Variants in MAGI1 observed in about 807,000 individuals in gnomAD.
The protein encoded by MAGI1 is membrane associated guanylate kinase, WW and PDZ domain containing 1.
MAGI1 carries 58 observed loss-of-function variants against 139.9 expected under a neutral mutation model. The observed-to-expected ratio is 0.41, with a 90% CI of 0.34 to 0.52. The LOEUF (loss-of-function observed/expected upper bound fraction) is 0.52. Ranked by LOEUF, MAGI1 falls within the 20% of genes least tolerant of loss-of-function variation. The pLI, the probability that MAGI1 is intolerant of heterozygous loss-of-function variation, is 0.12. For synonymous variants in MAGI1, 812 were observed against 737.9 expected, an observed-to-expected ratio of 1.10 and a Z score of -1.63; for missense variants, 1,874 against 1,901.6, an observed-to-expected ratio of 0.99 and a Z score of 0.27.
intron 1 of MAGI1, among the ~76,000 whole-genome samples, chr3:65,731,660 A>G (rs909649423): frequency 8.2e-6 from 1 of 121,438 alleles, no homozygotes; most frequent in South Asian, 2.4e-4. Context: ...GTCTCAAAAA[A>G]TTTAAAAAAA....
At chr3:65,541,342 A>G (rs1161184103) in intron 2 of MAGI1, among the ~76,000 whole-genome samples, 2 of 152,218 alleles carry the variant, frequency 1.3e-5, no homozygotes, top group African/African-American at 4.8e-5. Flanking sequence ...TAACAGAGGT[A>G]CAAAGAAGAG....
rs527422000 is a variant in MAGI1, at chr3:65,367,042, G to C, written c.3197-2096C>G. On this transcript the variant is annotated intron_variant, in intron 18 of 22. Transcript: ENST00000402939. ...TATAGCCCATCGCTGTGACTCTCCA[G>C]AACTTTCATAAACACGTGTATTGGT... Among the ~76,000 whole-genome samples, 54 of 152,256 alleles carry C rather than the reference G, an allele frequency of 3.5e-4. 2 individuals carry two copies. Among genetic ancestry groups the C allele is most frequent in the African/African-American group, 1.3e-3 (52 of 41,552 alleles).
At chr3:65,628,126 A>G (rs989310980) in intron 1 of MAGI1, among the ~76,000 whole-genome samples, 3 of 152,086 alleles carry the variant, frequency 2.0e-5, no homozygotes, top group African/African-American at 4.8e-5. Flanking sequence ...ATGGACATAG[A>G]TATCTTTGAT....
intron 1 of MAGI1, among the ~76,000 whole-genome samples, chr3:65,740,620 T>C (rs1246996182): frequency 1.3e-5 from 2 of 152,192 alleles, no homozygotes; most frequent in African/African-American, 2.4e-5. Flanking sequence ...GGAGAAACGA[T>C]GGAAAACTTA....
In MAGI1 at chr3:66,038,620, G is replaced by A. The variant is rs2069067534; in HGVS notation, c.-312C>T. On this transcript the variant is annotated 5_prime_UTR_variant, in exon 1 of 23. Coordinates refer to ENST00000402939, the MANE Select transcript of MAGI1 (RefSeq NM_001033057.2). ...ACCAGAGTCCACTCTGCGCCGCTCG[G>A]GTTATTTTTTTTTCCTTCCTTCCTT... 1 of 335,994 alleles carries A rather than the reference G, an allele frequency of 3.0e-6. No individual in the cohort carries two copies. The highest frequency in any genetic ancestry group is 2.1e-5 in the African/African-American group (1 of 47,226). The allele number at this position is 335,994 out of a possible 1,614,324, so 20.8% of individuals were successfully genotyped here.
rs557156096 is a variant in MAGI1 at position 65,508,941 on chromosome 3, A to G, written c.431-15310T>C. ...GGCAGAGGCAATCTTTATTTCCTCC[A>G]TTTGGCAGCAGGGTAAGACTGCCAT... is the stretch of plus-strand genomic sequence containing the variant. On this transcript the variant is annotated intron_variant, in intron 2 of 22. Transcript: ENST00000402939. 3.9e-5 allele frequency among the ~76,000 whole-genome samples: 6 copies of G among 152,324 alleles called. No individual in the cohort carries two copies. The South Asian group carries it at 6.2e-4, about 16-fold the overall frequency.
At chr3:65,849,733 T>C (rs2059141578) in intron 1 of MAGI1, among the ~76,000 whole-genome samples, 1 of 152,082 alleles carries the variant, frequency 6.6e-6, no homozygotes, top group Non-Finnish European at 1.5e-5. Flanking sequence ...AAGAAACAAG[T>C]ATTTCTTCTA....
chr3:65,724,991 A>G (rs2033446208), intron 1 of MAGI1, among the ~76,000 whole-genome samples: 1 of 152,176 alleles, frequency 6.6e-6, no homozygotes, highest in Non-Finnish European at 1.5e-5. Context: ...TAACCATATC[A>G]ATCACCATGA....
chr3:65,950,392 T>A (rs960576918), intron 1 of MAGI1, among the ~76,000 whole-genome samples: 2 of 152,166 alleles, frequency 1.3e-5, no homozygotes, highest in South Asian at 2.1e-4. Flanking sequence ...TAGATCTGCA[T>A]ATTCTCCCAT....
chr3:65,777,932 T>C (rs1015769778), intron 1 of MAGI1, among the ~76,000 whole-genome samples: 1 of 152,164 alleles, frequency 6.6e-6, no homozygotes, highest in African/African-American at 2.4e-5. Context: ...ACTACTATAG[T>C]TCTATTAGAG....
At chr3:65,392,480 A>G (rs1469101228) in intron 13 of MAGI1, among the ~76,000 whole-genome samples, 1 of 152,094 alleles carries the variant, frequency 6.6e-6, no homozygotes, top group African/African-American at 2.4e-5. Flanking sequence ...TCTTTTATAG[A>G]TCCTGTAGAG....
At chr3:65,533,512 T>C (rs896735203) in intron 2 of MAGI1, among the ~76,000 whole-genome samples, 1 of 152,208 alleles carries the variant, frequency 6.6e-6, no homozygotes, top group African/African-American at 2.4e-5. Context: ...TCACAAAATA[T>C]TGACAACTTC....
chr3:65,359,202 G>A, intron 22 of MAGI1: 6 of 1,602,142 alleles, frequency 3.7e-6, no homozygotes, highest in Non-Finnish European at 5.1e-6. Context: ...GAAGGAGAAA[G>A]AGAGAAAGAG....
chr3:66,001,473 C>G (rs978774029), intron 1 of MAGI1, among the ~76,000 whole-genome samples: 4 of 152,098 alleles, frequency 2.6e-5, no homozygotes, highest in Non-Finnish European at 4.4e-5. Flanking sequence ...GAGTATCAGC[C>G]TCACAGGACT....
intron 1 of MAGI1, among the ~76,000 whole-genome samples, chr3:65,883,534 T>G (rs2060416841): frequency 6.6e-6 from 1 of 152,210 alleles, no homozygotes; most frequent in Admixed American, 6.5e-5. Context: ...CAATTTGCTA[T>G]GAGATTCTAC....
chr3:65,971,839 A>G (rs1415441610), intron 1 of MAGI1, among the ~76,000 whole-genome samples: 1 of 152,120 alleles, frequency 6.6e-6, no homozygotes, highest in East Asian at 1.9e-4. Context: ...ACCAGTTAAG[A>G]TTTTTATTTT....
At chr3:65,624,654 G>T (rs1189712370) in intron 1 of MAGI1, among the ~76,000 whole-genome samples, 1 of 152,124 alleles carries the variant, frequency 6.6e-6, no homozygotes, top group Non-Finnish European at 1.5e-5. Context: ...AAAACTGACT[G>T]CAAAGGGCAT....
intron 1 of MAGI1, among the ~76,000 whole-genome samples, chr3:65,813,521 A>G (rs958039052): frequency 6.6e-6 from 1 of 152,220 alleles, no homozygotes; most frequent in Non-Finnish European, 1.5e-5. Context: ...GAAAAAATAT[A>G]TACTACATAG....
intron 1 of MAGI1, among the ~76,000 whole-genome samples, chr3:65,680,901 G>A (rs1458386793): frequency 6.6e-6 from 1 of 152,212 alleles, no homozygotes; most frequent in East Asian, 1.9e-4. Flanking sequence ...TATAGTGTGA[G>A]TTTTTCTTGT....
Sources: allele counts gnomAD v4.1 joint callset (sites outside exome capture counted in the v4.1 genomes callset), GRCh38; gene constraint gnomAD v4.1.1; transcripts MANE v1.5; gene names NCBI Gene and HGNC (gene_info 2026-07-23, HGNC 2026-07-21).